SBF2: variants seen among roughly 807,000 people sequenced by gnomAD.
The protein encoded by SBF2 is SET binding factor 2, also known as myotubularin-related protein 13.
Under a neutral mutation model 225.2 loss-of-function variants are expected in SBF2, and 112 were observed. That is an observed-to-expected ratio of 0.50 (90% CI 0.43 to 0.58). The LOEUF is 0.58. SBF2 is among the 20% of genes least tolerant of loss of function. SBF2 has a pLI of 0.00. For synonymous variants in SBF2, 763 were observed against 773.3 expected (o/e 0.99, Z 0.22); for missense variants, 1,996 against 2,206.2 (o/e 0.90, Z 1.91).
intron 6 of SBF2, among the ~76,000 whole-genome samples, chr11:10,025,481 A>T (rs530998282): frequency 6.6e-6 from 1 of 152,272 alleles, no homozygotes; most frequent in South Asian, 2.1e-4. Flanking sequence ...TTTCTTCCAA[A>T]ATCAACAAGG....
intron 1 of SBF2, among the ~76,000 whole-genome samples, chr11:10,279,295 C>T (rs1963226107): frequency 6.6e-6 from 1 of 151,374 alleles, no homozygotes; most frequent in Admixed American, 6.6e-5. Context: ...TGCCTGTAAT[C>T]CCAGCTACTA....
intron 1 of SBF2, among the ~76,000 whole-genome samples, chr11:10,261,415 C>G (rs1961416996): frequency 6.6e-6 from 1 of 152,100 alleles, no homozygotes; most frequent in African/African-American, 2.4e-5. Flanking sequence ...GTTGCCCAAG[C>G]TGGTCTGAAA....
intron 1 of SBF2, among the ~76,000 whole-genome samples, chr11:10,281,561 C>T (rs888456171): frequency 5.9e-5 from 9 of 152,168 alleles, no homozygotes; most frequent in African/African-American, 1.7e-4. Context: ...AATGTCTCTT[C>T]CAAACTCTCC....
Position 10,143,873 on chromosome 11 carries a change from G to A in SBF2, c.141+50029C>T, listed in dbSNP as rs933890806. 3.3e-5 allele frequency among the ~76,000 whole-genome samples: 5 copies of A among 151,976 alleles called. No homozygotes were observed. In the East Asian group the frequency reaches 7.8e-4, roughly 24 times the overall value. On this transcript the variant is annotated intron_variant, in intron 2 of 39. Coordinates refer to ENST00000256190, the MANE Select transcript of SBF2 (RefSeq NM_030962.4). ...GCTGGGACTACAGGCACTCGCTACC[G>A]CGCCCGGCTAATTTTTTTTGTATTT...
rs531559764 is a variant in SBF2 at position 9,997,847 on chromosome 11, T to C, written c.975+419A>G. 8.5e-5 allele frequency among the ~76,000 whole-genome samples: 13 copies of C among 152,338 alleles called. No individual in the cohort carries two copies. The East Asian group carries it at 2.5e-3, about 29-fold the overall frequency. On this transcript the variant is annotated intron_variant, in intron 9 of 39. Coordinates refer to ENST00000256190, the MANE Select transcript of SBF2 (RefSeq NM_030962.4). The stretch of plus-strand genomic sequence containing the variant: ...ACATCTTTCTGTAATAACCTGAAAG[T>C]ATTGGCAAGACAATATTACAGTGTT...
In SBF2 at chr11:9,789,205, A is replaced by G. The variant is rs767486297; in HGVS notation, c.4836T>C (p.Ala1612=). ...KHFPSEDSDL[A]GEAGPRSQRR... ...TCTGGCTCCGTGGCCCAGCTTCTCC[A>G]GCCAGGTCAGAGTCTTCGGAGGGGA... is the stretch of plus-strand genomic sequence containing the variant. Residue 1612 remains alanine (A), a synonymous_variant, in exon 35 of 40, where the codon GCT becomes GCC. Coordinates refer to ENST00000256190, the MANE Select transcript of SBF2 (RefSeq NM_030962.4). 1.9e-6 allele frequency: 3 copies of G among 1,614,046 alleles called. No individual in the cohort carries two copies. Among genetic ancestry groups the G allele is most frequent in the Non-Finnish European group, 2.5e-6 (3 of 1,180,038 alleles).
At chr11:9,939,651 G>T (rs115505849) in intron 16 of SBF2, among the ~76,000 whole-genome samples, 3 of 152,284 alleles carry the variant, frequency 2.0e-5, no homozygotes, top group Non-Finnish European at 2.9e-5. Flanking sequence ...TGAATCTGTT[G>T]TTGGTAAGGA....
At chr11:10,169,396 G>C (rs550295903) in intron 2 of SBF2, among the ~76,000 whole-genome samples, 1 of 151,980 alleles carries the variant, frequency 6.6e-6, no homozygotes, top group Non-Finnish European at 1.5e-5. Flanking sequence ...GAGATCAATT[G>C]TTTTAATTTT....
At chr11:10,075,531 T>C (rs780589079) in intron 2 of SBF2, among the ~76,000 whole-genome samples, 14 of 152,178 alleles carry the variant, frequency 9.2e-5, no homozygotes, top group Non-Finnish European at 1.9e-4. Flanking sequence ...TCGGGGCAGA[T>C]TTCCCCCTTG....
chr11:10,242,219 T>C (rs1236440341), intron 1 of SBF2, among the ~76,000 whole-genome samples: 2 of 151,852 alleles, frequency 1.3e-5, no homozygotes, highest in Non-Finnish European at 2.9e-5. Flanking sequence ...ATAAATAACA[T>C]AGAGTGTGTG....
rs79384653 is a variant in SBF2 at position 9,882,446 on chromosome 11, T to A, written c.1929+13497A>T. On this transcript the variant is annotated intron_variant, in intron 17 of 39. Transcript: ENST00000256190. ...CAGCAGATATCTGTAATATGTAATT[T>A]AGTGTTGAACCACTGATTTGCACTT... Among the ~76,000 whole-genome samples, 94 of 152,338 alleles carry A rather than the reference T, an allele frequency of 6.2e-4. 1 individual carries two copies. Among genetic ancestry groups the A allele is most frequent in the African/African-American group, 2.3e-3 (94 of 41,574 alleles).
At chr11:9,806,236 A>G (rs1181105013) in intron 32 of SBF2, among the ~76,000 whole-genome samples, 2 of 152,248 alleles carry the variant, frequency 1.3e-5, no homozygotes, top group African/African-American at 4.8e-5. Context: ...GGTCAGCAAA[A>G]GATTCAAAGA....
At chr11:10,164,564 C>T (rs1306386639) in intron 2 of SBF2, among the ~76,000 whole-genome samples, 4 of 152,124 alleles carry the variant, frequency 2.6e-5, no homozygotes, top group African/African-American at 9.7e-5. Context: ...TGGAGTGGGG[C>T]GCTCTTAGTT....
intron 17 of SBF2, among the ~76,000 whole-genome samples, chr11:9,883,895 C>T (rs991243311): frequency 5.9e-5 from 9 of 152,288 alleles, no homozygotes; most frequent in Admixed American, 3.9e-4. Flanking sequence ...CACTCCCCCA[C>T]GCCAGCCTGG....
intron 1 of SBF2, among the ~76,000 whole-genome samples, chr11:10,293,411 G>C (rs1245564309): frequency 6.6e-6 from 1 of 152,240 alleles, no homozygotes; most frequent in African/African-American, 2.4e-5. Flanking sequence ...ACTGTGAAGT[G>C]ACCGTCACAT....
intron 16 of SBF2, among the ~76,000 whole-genome samples, chr11:9,898,757 G>C (rs1861477069): frequency 6.6e-6 from 1 of 152,048 alleles, no homozygotes; most frequent in Non-Finnish European, 1.5e-5. Context: ...AAATAAAAAA[G>C]TAAAAGATAG....
chr11:10,298,004 G>A (rs1217252042), upstream of SBF2, among the ~76,000 whole-genome samples: 1 of 152,232 alleles, frequency 6.6e-6, no homozygotes, highest in African/African-American at 2.4e-5. Flanking sequence ...GCCCAGATTT[G>A]TTTTCCTGAA....
intron 6 of SBF2, among the ~76,000 whole-genome samples, chr11:10,018,790 T>C (rs551128350): frequency 6.6e-6 from 1 of 152,314 alleles, no homozygotes; most frequent in Non-Finnish European, 1.5e-5. Flanking sequence ...AACGGTTTCT[T>C]TATAGAACTA....
intron 2 of SBF2, among the ~76,000 whole-genome samples, chr11:10,192,831 T>C (rs1374032490): frequency 6.6e-6 from 1 of 152,170 alleles, no homozygotes; most frequent in Non-Finnish European, 1.5e-5. Context: ...TCTATGTGTT[T>C]ATGTGTGTGC....
Sources: allele counts gnomAD v4.1 joint callset (sites outside exome capture counted in the v4.1 genomes callset), GRCh38; gene constraint gnomAD v4.1.1; transcripts MANE v1.5; gene names NCBI Gene and HGNC (gene_info 2026-07-23, HGNC 2026-07-21).